The following ZNF235 variants were observed in gnomAD, a reference collection of about 807,000 sequenced individuals.
ZNF235 encodes zfp-93.
ZNF235 carries 25 observed loss-of-function variants against 29.4 expected under a neutral mutation model. The ratio of observed to expected loss-of-function variants is 0.85; its 90% CI spans 0.62 to 1.19. The LOEUF is 1.19. ZNF235 is among the 50% of genes most tolerant of loss of function. The pLI is 0.00. For synonymous variants in ZNF235, 300 were observed against 295.3 expected, an observed-to-expected ratio of 1.02 and a Z score of -0.16; for missense variants, 788 against 885.0, an observed-to-expected ratio of 0.89 and a Z score of 1.39.
intron 1 of ZNF235, 90 bp from the exon 2 acceptor site, chr19:44,303,542 T>A: frequency 8.2e-7 from 1 of 1,213,646 alleles, no homozygotes; most frequent in Non-Finnish European, 1.2e-6. Flanking sequence ...AAGGTCCCCC[T>A]GTCTCTAGGC....
intron 2 of ZNF235, among the ~76,000 whole-genome samples, chr19:44,303,116 A>C (rs892712634): frequency 7.0e-6 from 1 of 143,612 alleles, no homozygotes; most frequent in Non-Finnish European, 1.5e-5. Flanking sequence ...ATTTCTTATA[A>C]ATATATACAT....
chr19:44,298,861 C>A lies in ZNF235; in HGVS notation c.185G>T (p.Arg62Met). 1 of 1,614,052 alleles carries A rather than the reference C, an allele frequency of 6.2e-7. No homozygotes were observed. Residue 62 changes from arginine (R) to methionine (M), a missense_variant, in exon 4 of 5, where the codon AGG (arginine) becomes ATG (methionine). Transcript: ENST00000291182. ...FKPDMISQLE[R>M]EEKLWMKELQ... ...CTCCTTCATCCAAAGCTTTTCTTCC[C>A]TCTCCAACTGGGATATCATATCTGG...
rs908418897 is a variant in ZNF235 at position 44,301,129 on chromosome 19, T to A, written c.16-1397A>T. Among the ~76,000 whole-genome samples, 96 of 152,316 alleles carry A rather than the reference T, an allele frequency of 6.3e-4. 1 individual carries two copies. The highest frequency in any genetic ancestry group is 6.8e-3 in the Middle Eastern group (2 of 294). ...TCCTTAATCCTACTGGGATTTTTCA[T>A]GTATCAGTAACATTACTATTAAGAA... On this transcript the variant is annotated intron_variant, in intron 2 of 4. Coordinates refer to ENST00000291182, the MANE Select transcript of ZNF235 (RefSeq NM_004234.4).
Position 44,287,203 on chromosome 19 carries a change from C to T in ZNF235, c.*15G>A, listed in dbSNP as rs553785195. The stretch of plus-strand genomic sequence containing the variant: ...ATGTGAGCTCTAACTGAAGGCTGAA[C>T]CACACCTCTCATTTCTACAGATTCC... On this transcript the variant is annotated 3_prime_UTR_variant, in exon 5 of 5. Coordinates refer to ENST00000291182, the MANE Select transcript of ZNF235 (RefSeq NM_004234.4). 2.5e-5 allele frequency: 39 copies of T among 1,565,322 alleles called. No individual in the cohort carries two copies. The African/African-American group carries it at 5.0e-4, about 20-fold the overall frequency.
rs182288130 is a variant in ZNF235, at chr19:44,289,276, A to G, written c.239-80T>C. On this transcript the variant is annotated intron_variant, in intron 4 of 4. Transcript: ENST00000291182. ...GTAGAGAATTAAGATCTAAGCTCTCATTTTCCCCATGGAAACGTCAAAAAA... is the reference window on the plus strand; with the variant it reads ...GTAGAGAATTAAGATCTAAGCTCTCGTTTTCCCCATGGAAACGTCAAAAAA... The G allele has an allele frequency of 1.2e-4, 152 of 1,314,904 alleles. No homozygotes were observed. In the African/African-American group the frequency reaches 2.1e-3, roughly 18 times the overall value. 81.5% of individuals were successfully genotyped at this position (1,314,904 alleles called of 1,614,324 possible). A position where few individuals can be genotyped will look rare whatever the true frequency, so the allele number is the denominator to read the frequency against.
chr19:44,289,283 C>A, intron 4 of ZNF235, 87 bp from the exon 5 acceptor site: 1 of 1,264,464 alleles, frequency 7.9e-7, no homozygotes, highest in Non-Finnish European at 1.1e-6. Context: ...CTCATTTTCC[C>A]CATGGAAACG....
intron 4 of ZNF235, among the ~76,000 whole-genome samples, chr19:44,296,314 G>GT (rs1313683615): frequency 1.3e-5 from 2 of 152,128 alleles, no homozygotes; most frequent in Non-Finnish European, 2.9e-5. Flanking sequence ...ACTTTTCTAT[G>GT]TTTTTTAAGT....
rs566766063 is a variant in ZNF235, at chr19:44,300,203, A to G, written c.16-471T>C. On this transcript the variant is annotated intron_variant, in intron 2 of 4. Coordinates refer to ENST00000291182, the MANE Select transcript of ZNF235 (RefSeq NM_004234.4). ...ACATTCCAAGGGTCTATCCATTGCT[A>G]GTTTTGTGACGCTGGTCACAAAACC... Among the ~76,000 whole-genome samples, 4 of 152,296 alleles carry G rather than the reference A, an allele frequency of 2.6e-5. No individual in the cohort carries two copies. The South Asian group carries it at 8.3e-4, about 32-fold the overall frequency.
chr19:44,292,638 G>C (rs973942135), intron 4 of ZNF235, among the ~76,000 whole-genome samples: 1 of 151,722 alleles, frequency 6.6e-6, no homozygotes, highest in Admixed American at 6.6e-5. Flanking sequence ...GTATTCCTGA[G>C]GGAGAAGAAA....
intron 2 of ZNF235, 64 bp from the exon 3 acceptor site, chr19:44,299,796 C>G: frequency 6.2e-7 from 1 of 1,609,848 alleles, no homozygotes; most frequent in Non-Finnish European, 8.5e-7. Flanking sequence ...CTAAGCAACT[C>G]TTTCTGTAGA....
rs1212684138 is a variant in ZNF235, at chr19:44,288,783, T to C, written c.652A>G (p.Ser218Gly). Residue 218 changes from serine (S) to glycine (G), a missense_variant, in exon 5 of 5, where the codon AGT becomes GGT. Physicochemically the swap from Ser to Gly is moderately conservative, Grantham distance 56 (BLOSUM62 0). Coordinates refer to ENST00000291182, the MANE Select transcript of ZNF235 (RefSeq NM_004234.4). ...TCATCATGGTGGTGTGAAATACAAC[T>C]GAAAATGTCAACATATGGAGCAAAT... is the stretch of plus-strand genomic sequence containing the variant. ...CIFAPYVDIF[S>G]CISHHHDDNI... The C allele has an allele frequency of 2.5e-6, 4 of 1,613,764 alleles. No individual in the cohort carries two copies. Among genetic ancestry groups the C allele is most frequent in the African/African-American group, 2.7e-5 (2 of 74,922 alleles).
rs992132512 is a variant in ZNF235 at position 44,287,078 on chromosome 19, A to C, written c.*140T>G. The C allele has an allele frequency of 2.4e-6, 2 of 839,780 alleles. No individual in the cohort carries two copies. The highest frequency in any genetic ancestry group is 3.5e-6 in the Non-Finnish European group (2 of 563,884). The allele number at this position is 839,780 out of a possible 1,614,324, so 52.0% of individuals were successfully genotyped here. ...CATGTCCTAACCAAGTCTAAAACAC[A>C]GCATTTGAGAGACTTCTTTCCTGTC... On this transcript the variant is annotated 3_prime_UTR_variant, in exon 5 of 5. Coordinates refer to ENST00000291182, the MANE Select transcript of ZNF235 (RefSeq NM_004234.4).
chr19:44,294,381 A>C (rs1297899133), intron 4 of ZNF235, among the ~76,000 whole-genome samples: 1 of 152,058 alleles, frequency 6.6e-6, no homozygotes, highest in Non-Finnish European at 1.5e-5. Flanking sequence ...GGAAACAGAA[A>C]TCCTAAACAG....
intron 4 of ZNF235, among the ~76,000 whole-genome samples, chr19:44,291,652 GC>G (rs1038113502): frequency 6.6e-6 from 1 of 152,098 alleles, no homozygotes; most frequent in African/African-American, 2.4e-5. Flanking sequence ...ATGCAACAAT[GC>G]AGATGAACTG....
In ZNF235 at chr19:44,288,643, C is replaced by T. The variant is rs2123090512; in HGVS notation, c.792G>A (p.Gln264=). 1 of 1,613,954 alleles carries T rather than the reference C, an allele frequency of 6.2e-7. No individual in the cohort carries two copies. Among genetic ancestry groups the T allele is most frequent in the Non-Finnish European group, 8.5e-7 (1 of 1,179,948 alleles). Residue 264 remains glutamine (Q), a synonymous_variant, in exon 5 of 5, where the codon CAG becomes CAA. Transcript: ENST00000291182. ...TGAAGGCTTCTTCACATTCATTACC[C>T]TGGTAGGTTTTCTGTCCTGTGTGAA... The part of the protein sequence containing the change: ...RSIHTGQKTY[Q]GNECEEAFND...
chr19:44,292,267 T>C (rs1309609805), intron 4 of ZNF235, among the ~76,000 whole-genome samples: 1 of 151,746 alleles, frequency 6.6e-6, no homozygotes, highest in Non-Finnish European at 1.5e-5. Flanking sequence ...GATAAATAAT[T>C]TGAAATACTG....
Position 44,289,102 on chromosome 19 carries a change from G to A in ZNF235, c.333C>T (p.His111=). The change falls in exon 5 of 5, where the codon CAC becomes CAT. Residue 111 remains histidine, a synonymous_variant. Coordinates refer to ENST00000291182, the MANE Select transcript of ZNF235 (RefSeq NM_004234.4). ...GELSCWQIKR[H]IASKLARSQD... ...GACTTCTGGCTAATTTGCTCGCAAT[G>A]TGTCTCTTGATTTGCCAGCATGAAA... 1.9e-6 allele frequency: 3 copies of A among 1,614,110 alleles called. No homozygotes were observed. The highest frequency in any genetic ancestry group is 2.5e-6 in the Non-Finnish European group (3 of 1,180,006).
chr19:44,287,504 A>C lies in ZNF235; in HGVS notation c.1931T>G (p.Val644Gly), dbSNP rs866679690. ...KAFSQRSNLQ[V>G]HQIIHTGEKP... ...CTCTCCAGTGTGAATTATCTGATGG[A>C]CTTGAAGATTTGACCTCTGGCTGAA... Residue 644 changes from valine (V) to glycine (G), a missense_variant, in exon 5 of 5, where the codon GTC becomes GGC. Val to Gly is a moderately radical substitution (Grantham distance 109). Coordinates refer to ENST00000291182, the MANE Select transcript of ZNF235 (RefSeq NM_004234.4). 2 of 1,613,430 alleles carry C rather than the reference A, an allele frequency of 1.2e-6. No homozygotes were observed. Among genetic ancestry groups the C allele is most frequent in the Non-Finnish European group, 1.7e-6 (2 of 1,179,874 alleles).
At position 44,303,387 on chromosome 19, in the gene ZNF235, T is replaced by C. The variant is rs1332079119; in HGVS notation, c.15+3A>G. ...AAGAAACACAAAGGCAAACCAAACT[T>C]ACCTGGAACTTGGTCATTTTTCCCC... On this transcript the variant is annotated splice_donor_region_variant and intron_variant, in intron 2 of 4. Coordinates refer to ENST00000291182, the MANE Select transcript of ZNF235 (RefSeq NM_004234.4). The C allele has an allele frequency of 2.5e-6, 4 of 1,611,906 alleles. No individual in the cohort carries two copies. The highest frequency in any genetic ancestry group is 1.7e-4 in the Middle Eastern group (1 of 6,052).
Sources: allele counts gnomAD v4.1 joint callset (sites outside exome capture counted in the v4.1 genomes callset), GRCh38; gene constraint gnomAD v4.1.1; transcripts MANE v1.5; gene names NCBI Gene and HGNC (gene_info 2026-07-23, HGNC 2026-07-21).